The following CDH3 variants were observed in gnomAD, a reference collection of about 807,000 sequenced individuals.
CDH3 encodes the protein cadherin 3, also known as cadherin-3.
In CDH3, 54 loss-of-function variants were observed where a neutral mutation model predicts 82.0. The observed-to-expected ratio is 0.66, with a 90% CI of 0.53 to 0.83. CDH3 has a LOEUF of 0.83. Among genes scored for constraint, CDH3 ranks in the 40% least tolerant of loss-of-function variants. CDH3 has a pLI of 0.00. For synonymous variants in CDH3, 446 were observed against 437.9 expected (o/e 1.02, Z -0.23); for missense variants, 1,054 against 1,084.6 (o/e 0.97, Z 0.40).
chr16:68,722,863 G>A (rs11642415), intron 2 of CDH3, among the ~76,000 whole-genome samples: 122,254 of 151,712 alleles, frequency 0.81, 50,007 homozygotes, highest in Non-Finnish European at 0.89. Flanking sequence ...GCGTGATCTC[G>A]GCTCACTGCA....
At chr16:68,685,081 A>T in intron 10 of CDH3, 124 bp from the exon 11 acceptor site, 1 of 1,250,938 alleles carries the variant, frequency 8.0e-7, no homozygotes, top group South Asian at 1.2e-5. Flanking sequence ...GGCGAGGTGC[A>T]TTTTCCATAT....
chr16:68,679,694 CA>C (rs66540234), intron 6 of CDH3, 104 bp from the exon 7 acceptor site: 15,690 of 350,694 alleles, frequency 0.045, 1 homozygote, highest in East Asian at 0.067. Context: ...GACTTCATCT[CA>C]AAAAAAAAAA....
At chr16:68,713,177 T>A (rs574318681) in intron 1 of CDH3, among the ~76,000 whole-genome samples, 12 of 152,140 alleles carry the variant, frequency 7.9e-5, no homozygotes, top group Non-Finnish European at 1.6e-4. Context: ...TAAATGTTGA[T>A]CTATCTCATA....
intron 2 of CDH3, among the ~76,000 whole-genome samples, chr16:68,667,426 GA>G (rs1960763031): frequency 6.6e-6 from 1 of 152,214 alleles, no homozygotes; most frequent in Admixed American, 6.5e-5. Flanking sequence ...GATCAGTAGG[GA>G]AATTGGTGGA....
chr16:68,659,527 A>G (rs1280854567), intron 2 of CDH3, among the ~76,000 whole-genome samples: 2 of 151,432 alleles, frequency 1.3e-5, no homozygotes, highest in Non-Finnish European at 2.9e-5. Context: ...GTGAGCCAAG[A>G]TCATACGACT....
At chr16:68,732,765 C>T in the CDH3 span, among the ~76,000 whole-genome samples, 2 of 152,208 alleles carry the variant, frequency 1.3e-5, no homozygotes, top group Admixed American at 1.3e-4. Flanking sequence ...CCCACCAGAG[C>T]CCATCCACAG....
At chr16:68,678,357 C>G (rs953920260) in intron 4 of CDH3, 80 bp downstream of exon 4, 2 of 1,591,818 alleles carry the variant, frequency 1.3e-6, no homozygotes, top group Admixed American at 1.7e-5. Flanking sequence ...TTTCTTGCTA[C>G]TGAATGTGGG....
chr16:68,664,566 T>C (rs536042899), intron 2 of CDH3, among the ~76,000 whole-genome samples: 14 of 152,294 alleles, frequency 9.2e-5, no homozygotes, highest in African/African-American at 3.4e-4. Context: ...GAATCACTGC[T>C]CTGTGACAAC....
intron 1 of CDH3, among the ~76,000 whole-genome samples, chr16:68,710,056 G>A (rs954765957): frequency 6.6e-6 from 1 of 152,230 alleles, no homozygotes; most frequent in Non-Finnish European, 1.5e-5. Flanking sequence ...AGCCCTAGCT[G>A]CCCTGTGTTC....
At chr16:68,716,482 G>T (rs941214938) in intron 1 of CDH3, among the ~76,000 whole-genome samples, 5 of 151,764 alleles carry the variant, frequency 3.3e-5, no homozygotes, top group African/African-American at 1.2e-4. Flanking sequence ...TCAGCCATGT[G>T]TGGTGGTTCT....
At chr16:68,718,431 G>C (rs1403608375) in intron 1 of CDH3, among the ~76,000 whole-genome samples, 2 of 152,202 alleles carry the variant, frequency 1.3e-5, no homozygotes, top group Non-Finnish European at 2.9e-5. Flanking sequence ...TATAATCCCA[G>C]CACTTTGGGA....
Position 68,678,618 on chromosome 16 carries a change from A to T in CDH3, c.508A>T (p.Asn170Tyr). Residue 170 changes from asparagine to tyrosine, a missense_variant, in exon 5 of 16, where the codon AAT becomes TAT. Coordinates refer to ENST00000264012, the MANE Select transcript of CDH3 (RefSeq NM_001793.6). Reference sequence around the variant, plus strand: ...GAAGGAGACAGGCTGGTTGTTGTTGAATAAGCCACTGGACCGGGAGGAGAT... The same window carrying T: ...GAAGGAGACAGGCTGGTTGTTGTTGTATAAGCCACTGGACCGGGAGGAGAT... ...VEKETGWLLLNKPLDREEIAK... is the reference protein window; with the variant it reads ...VEKETGWLLLYKPLDREEIAK... 6.2e-7 allele frequency: 1 copy of T among 1,614,246 alleles called. No individual in the cohort carries two copies. The highest frequency in any genetic ancestry group is 8.5e-7 in the Non-Finnish European group (1 of 1,180,046).
Position 68,695,879 on chromosome 16 carries a change from C to T in CDH3, c.2236C>T (p.Pro746Ser), listed in dbSNP as rs1200333268. 4 of 1,614,172 alleles carry T rather than the reference C, an allele frequency of 2.5e-6. No individual in the cohort carries two copies. The highest frequency in any genetic ancestry group is 2.2e-5 in the South Asian group (2 of 91,078). The change falls in exon 15 of 16, where the codon CCT becomes TCT. Residue 746 changes from proline to serine, a missense_variant. Coordinates refer to ENST00000264012, the MANE Select transcript of CDH3 (RefSeq NM_001793.6). ...PTIIPTPMYR[P>S]RPANPDEIGN... ...CATCATCCCGACACCCATGTACCGT[C>T]CTCGGCCAGCCAACCCAGATGAAAT...
chr16:68,718,445 C>T (rs11645558), intron 1 of CDH3, among the ~76,000 whole-genome samples: 84,425 of 151,626 alleles, frequency 0.56, 23,813 homozygotes, highest in Middle Eastern at 0.62. Context: ...TTTGGGAGGC[C>T]GAGGCGGGTG....
At chr16:68,729,846 G>T (rs1026600336), downstream of CDH3, among the ~76,000 whole-genome samples, 1 of 151,964 alleles carries the variant, frequency 6.6e-6, no homozygotes, top group Non-Finnish European at 1.5e-5. Flanking sequence ...TGCTGCTCAG[G>T]CTGGTCTGAA....
intron 2 of CDH3, among the ~76,000 whole-genome samples, chr16:68,664,207 A>G (rs764130878): frequency 6.6e-6 from 1 of 152,058 alleles, no homozygotes; most frequent in Admixed American, 6.6e-5. Context: ...GAAAAAGACC[A>G]TATTTGGGTT....
rs898335091 is a variant in CDH3 at position 68,666,277 on chromosome 16, C to T, written c.161-10108C>T. On this transcript the variant is annotated intron_variant, in intron 2 of 15. Transcript: ENST00000264012. ...GGCCTGTGTATAGATGGGTGCCATC[C>T]GCCAGGTGTAACTGCACTCCACCTG... Among the ~76,000 whole-genome samples the T allele has an allele frequency of 8.5e-5, 13 of 152,154 alleles. No individual in the cohort carries two copies. The South Asian group carries it at 1.7e-3, about 19-fold the overall frequency.
At chr16:68,645,556 G>A (rs1476666271) in intron 1 of CDH3, 80 bp from the exon 2 acceptor site, 36 of 1,450,550 alleles carry the variant, frequency 2.5e-5, no homozygotes, top group Non-Finnish European at 3.2e-5. Flanking sequence ...CGGAAGGCCC[G>A]TGAGGACCCT....
intron 2 of CDH3, among the ~76,000 whole-genome samples, chr16:68,648,441 G>A (rs1960141977): frequency 6.8e-6 from 1 of 147,814 alleles, no homozygotes; most frequent in Non-Finnish European, 1.5e-5. Flanking sequence ...GGACCCCCAA[G>A]TTCCCTGGCT....
Sources: gnomAD v4.1 joint callset for allele counts (sites outside exome capture counted in the v4.1 genomes callset) on GRCh38, gnomAD v4.1.1 for gene constraint, MANE v1.5 for transcripts, NCBI Gene and HGNC (gene_info 2026-07-23, HGNC 2026-07-21) for gene names.